The following MXRA8 variants were observed in gnomAD, a reference collection of about 807,000 sequenced individuals.
The protein encoded by MXRA8 is matrix remodeling associated 8.
A neutral mutation model predicts 51.4 loss-of-function variants in MXRA8; 44 were observed. The observed-to-expected ratio is 0.86, with a 90% CI of 0.67 to 1.10. MXRA8 has a LOEUF of 1.10. MXRA8 is among the 50% of genes least tolerant of loss of function. The pLI, the probability that MXRA8 is intolerant of heterozygous loss-of-function variation, is 0.00. For missense variants in MXRA8, 765 were observed against 638.9 expected, an observed-to-expected ratio of 1.20 and a Z score of -2.13; for synonymous variants, 369 against 293.5, an observed-to-expected ratio of 1.26 and a Z score of -2.63.
chr1:1,356,732 G>A (rs562970167), intron 1 of MXRA8, 28 bp from the exon 2 acceptor site: 4 of 1,387,376 alleles, frequency 2.9e-6, no homozygotes, highest in Admixed American at 2.7e-5. Context: ...AGCTGGAGAG[G>A]CCACCCACAG....
upstream of MXRA8, chr1:1,361,600 A>AG (rs1644223775): frequency 1.1e-5 from 5 of 435,658 alleles, no homozygotes; most frequent in South Asian, 2.2e-5. Context: ...TGTGTGTGGT[A>AG]GGGGGGCCAC....
Position 1,354,732 on chromosome 1 carries a change from G to T in MXRA8, c.899C>A (p.Pro300His), listed in dbSNP as rs547629947. The change falls in exon 5 of 10, where the codon CCC becomes CAC. Residue 300 changes from proline (P) to histidine (H), a missense_variant. Physicochemically the swap from Pro to His is moderately conservative, Grantham distance 77. Transcript: ENST00000309212. Reference protein sequence around the residue: ...TVAEPHAEPPPRGSPGNGSSH... With the variant: ...TVAEPHAEPPHRGSPGNGSSH... The stretch of plus-strand genomic sequence containing the variant: ...GGAGCCGTTGCCCGGAGAGCCCCGG[G>T]GGGGCGGCTCCGCGTGGGGTTCGGC... 1.2e-6 allele frequency: 2 copies of T among 1,608,254 alleles called. No individual in the cohort carries two copies. The highest frequency in any genetic ancestry group is 1.3e-5 in the African/African-American group (1 of 74,950).
At chr1:1,356,807 G>T in intron 1 of MXRA8, 103 bp from the exon 2 acceptor site, 1 of 1,037,510 alleles carries the variant, frequency 9.6e-7, no homozygotes, top group Non-Finnish European at 1.3e-6. Context: ...CAAAGTGGAT[G>T]CTGTGACACC....
In MXRA8 at chr1:1,353,973, T is replaced by C. The variant is rs577003743; in HGVS notation, c.1223-45A>G. ...TGAGGTCCCCGCTCCCAGGATGCACTTCCCAGCCCGGGACTGGGAGCCGCG... is the reference window on the plus strand; with the variant it reads ...TGAGGTCCCCGCTCCCAGGATGCACCTCCCAGCCCGGGACTGGGAGCCGCG... On this transcript the variant is annotated intron_variant, in intron 8 of 9. Transcript: ENST00000309212. 1.2e-4 allele frequency: 183 copies of C among 1,555,736 alleles called. No individual in the cohort carries two copies. In the South Asian group the frequency reaches 1.9e-3, roughly 17 times the overall value.
At chr1:1,353,659 G>A (rs370687979) in intron 9 of MXRA8, 30 bp from the exon 10 acceptor site, 14 of 1,555,404 alleles carry the variant, frequency 9.0e-6, no homozygotes, top group South Asian at 5.9e-5. Flanking sequence ...ACGGGTTGGC[G>A]GCTGTCCTCC....
Position 1,353,553 on chromosome 1 carries a change from C to T in MXRA8, c.*51G>A. 1 of 1,488,446 alleles carries T rather than the reference C, an allele frequency of 6.7e-7. No homozygotes were observed. Among genetic ancestry groups the T allele is most frequent in the Non-Finnish European group, 9.1e-7 (1 of 1,099,534 alleles). 92.2% of individuals were successfully genotyped at this position (1,488,446 alleles called of 1,614,324 possible). ...GAGCATCAGGAGATGCCCCGAGGAGCACAGACAGGAGAGGTGCAGCTGCTG... is the reference window on the plus strand; with the variant it reads ...GAGCATCAGGAGATGCCCCGAGGAGTACAGACAGGAGAGGTGCAGCTGCTG... On this transcript the variant is annotated 3_prime_UTR_variant, in exon 10 of 10. Coordinates refer to ENST00000309212, the MANE Select transcript of MXRA8 (RefSeq NM_032348.4).
At chr1:1,358,833 A>G, upstream of MXRA8, 1 of 1,115,916 alleles carries the variant, frequency 9.0e-7, no homozygotes, top group African/African-American at 1.6e-5. Flanking sequence ...CACGTCTAGG[A>G]GCCTCCCGGG....
upstream of MXRA8, among the ~76,000 whole-genome samples, chr1:1,363,512 G>T (rs1231546909): frequency 1.3e-5 from 2 of 150,100 alleles, no homozygotes; most frequent in African/African-American, 2.4e-5. Flanking sequence ...CAGAATCACC[G>T]CAACCTCTGC....
intron 2 of MXRA8, 32 bp from the exon 3 acceptor site, chr1:1,355,784 G>A: frequency 4.8e-6 from 6 of 1,246,224 alleles, no homozygotes; most frequent in Non-Finnish European, 2.0e-6. Context: ...TGGGGGAAGG[G>A]GTGGGCCCCC....
At chr1:1,361,467 A>G (rs1027839240), upstream of MXRA8, 6 of 601,694 alleles carry the variant, frequency 1.0e-5, no homozygotes, top group Non-Finnish European at 1.8e-5. Flanking sequence ...AGGGGCGAGG[A>G]CGGACGGACC....
upstream of MXRA8, among the ~76,000 whole-genome samples, chr1:1,363,239 T>C (rs894195878): frequency 4.6e-5 from 7 of 151,958 alleles, no homozygotes; most frequent in African/African-American, 1.7e-4. Flanking sequence ...GCCGAGATTG[T>C]GCCATTGCAC....
chr1:1,361,091 C>T (rs1034721227), upstream of MXRA8: 15 of 677,062 alleles, frequency 2.2e-5, no homozygotes, highest in East Asian at 1.4e-4. Flanking sequence ...TGCGCACACA[C>T]GACACACATG....
At chr1:1,361,584 A>T, upstream of MXRA8, 1 of 462,392 alleles carries the variant, frequency 2.2e-6, no homozygotes, top group South Asian at 2.1e-5. Flanking sequence ...GACGCCAGGG[A>T]CCCTGTGTGT....
upstream of MXRA8, chr1:1,358,774 G>A (rs1644182574): frequency 1.1e-5 from 13 of 1,233,082 alleles, no homozygotes; most frequent in South Asian, 2.5e-5. Context: ...CCCTTGGAGG[G>A]ACAAGAAGGT....
chr1:1,361,437 T>G (rs1644221181), upstream of MXRA8: 13 of 631,874 alleles, frequency 2.1e-5, no homozygotes, highest in African/African-American at 3.7e-5. Context: ...GAGACAGGGG[T>G]CGGGGGGCGC....
At chr1:1,361,992 G>A (rs1644227632), upstream of MXRA8, among the ~76,000 whole-genome samples, 1 of 152,240 alleles carries the variant, frequency 6.6e-6, no homozygotes, top group Non-Finnish European at 1.5e-5. Context: ...AAGTAAACTT[G>A]TTTATCAAAA....
chr1:1,355,591 C>G lies in MXRA8; in HGVS notation c.235G>C (p.Gly79Arg), dbSNP rs1031977795. The change falls in exon 3 of 10, where the codon GGC (glycine) becomes CGC (arginine). Residue 79 changes from glycine to arginine, a missense_variant. Coordinates refer to ENST00000309212, the MANE Select transcript of MXRA8 (RefSeq NM_032348.4). ...RQRVLHWDLR[G>R]PGGGPARRLL... ...CGCCGCGCGGGGCCACCCCCGGGGC[C>G]GCGCAGGTCCCAGTGGAGCACGCGC... The G allele has an allele frequency of 5.3e-5, 78 of 1,477,018 alleles. 1 individual carries two copies. Among genetic ancestry groups the G allele is most frequent in the Non-Finnish European group, 6.8e-5 (76 of 1,121,370 alleles). 91.5% of individuals were successfully genotyped at this position (1,477,018 alleles called of 1,614,324 possible).
At chr1:1,361,682 C>T (rs1644224735), upstream of MXRA8, 2 of 251,320 alleles carry the variant, frequency 8.0e-6, no homozygotes, top group Non-Finnish European at 1.6e-5. Context: ...CTGCCACGCA[C>T]ATCGGAAGCG....
upstream of MXRA8, among the ~76,000 whole-genome samples, chr1:1,362,515 C>G (rs112934253): frequency 0.078 from 11,880 of 151,706 alleles, 1,540 homozygotes; most frequent in African/African-American, 0.27. Flanking sequence ...CAAGATGGTT[C>G]ACGCCTGTAA....
Sources: gnomAD v4.1 joint callset for allele counts (sites outside exome capture counted in the v4.1 genomes callset) on GRCh38, gnomAD v4.1.1 for gene constraint, MANE v1.5 for transcripts, NCBI Gene and HGNC (gene_info 2026-07-23, HGNC 2026-07-21) for gene names.